PLEKHA2: variants seen among roughly 807,000 people sequenced by gnomAD.
PLEKHA2 encodes pleckstrin homology domain-containing family A member 2.
In PLEKHA2, 28 loss-of-function variants were observed where a neutral mutation model predicts 53.2. The ratio of observed to expected loss-of-function variants is 0.53; its 90% confidence interval spans 0.39 to 0.72. The LOEUF (loss-of-function observed/expected upper bound fraction) is 0.72. Ranked by LOEUF, PLEKHA2 falls within the 30% of genes least tolerant of loss-of-function variation. PLEKHA2 has a pLI of 0.00. For synonymous variants in PLEKHA2, 193 were observed against 196.4 expected, an observed-to-expected ratio of 0.98 and a Z score of 0.14; for missense variants, 426 against 537.9, an observed-to-expected ratio of 0.79 and a Z score of 2.06.
rs115234800 is a variant in PLEKHA2, at chr8:38,924,332, G to A, written c.141+6262G>A. Among the ~76,000 whole-genome samples, 755 of 152,282 alleles carry A rather than the reference G, an allele frequency of 5.0e-3. 7 individuals are homozygous for A. Among genetic ancestry groups the A allele is most frequent in the African/African-American group, 0.017 (727 of 41,558 alleles). Reference sequence around the variant, plus strand: ...TCCCCAGAAGAAGACCCTGAGACGAGGAGTCAGGCGCTGAGACAGGGAGTC... The same window carrying A: ...TCCCCAGAAGAAGACCCTGAGACGAAGAGTCAGGCGCTGAGACAGGGAGTC... On this transcript the variant is annotated intron_variant, in intron 2 of 11. Transcript: ENST00000617275.
Position 38,969,733 on chromosome 8 carries a change from C to T in PLEKHA2, c.1228C>T (p.Pro410Ser). 1 of 1,552,864 alleles carries T rather than the reference C, an allele frequency of 6.4e-7. No individual in the cohort carries two copies. Among genetic ancestry groups the T allele is most frequent in the Non-Finnish European group, 8.7e-7 (1 of 1,148,090 alleles). The change falls in exon 12 of 12, where the codon CCG (proline) becomes TCG (serine). Residue 410 changes from proline to serine, a missense_variant. Pro to Ser is a moderately conservative substitution (Grantham distance 74). Coordinates refer to ENST00000617275, the MANE Select transcript of PLEKHA2 (RefSeq NM_021623.2). ...GGAGCCCCAGCACCCCAAGGAGAAGCCGTTTATGTTCAACCTTGATGATGA... is the reference window on the plus strand; with the variant it reads ...GGAGCCCCAGCACCCCAAGGAGAAGTCGTTTATGTTCAACCTTGATGATGA... ...RSEPQHPKEK[P>S]FMFNLDDENI...
At chr8:38,918,162 G>T (rs1300987882) in intron 2 of PLEKHA2, 92 bp downstream of exon 2, 1 of 1,464,170 alleles carries the variant, frequency 6.8e-7, no homozygotes. Context: ...GCCTAGGCTC[G>T]TGAGCAACAC....
At chr8:38,953,510 C>T in intron 9 of PLEKHA2, 143 bp downstream of exon 9, 1 of 839,664 alleles carries the variant, frequency 1.2e-6, no homozygotes, top group East Asian at 2.5e-5. Flanking sequence ...GTGGCTGACT[C>T]ACTGCATCCA....
At chr8:38,901,717 A>C (rs991037929) in intron 1 of PLEKHA2, 196 of 105,728 alleles carry the variant, frequency 1.9e-3, no homozygotes, top group Admixed American at 2.5e-3. Context: ...CGCCGCCGCC[A>C]GGGGTCGGGC....
At chr8:38,936,112 G>A (rs1834490557) in intron 3 of PLEKHA2, 62 bp downstream of exon 3, 2 of 1,544,846 alleles carry the variant, frequency 1.3e-6, no homozygotes, top group Non-Finnish European at 1.8e-6. Flanking sequence ...TTCTAAGCAA[G>A]GGGAAGTGTC....
rs774048628 is a variant in PLEKHA2 at position 38,946,260 on chromosome 8, G to T, written c.345+39G>T. 7.8e-6 allele frequency: 12 copies of T among 1,529,172 alleles called. No individual in the cohort carries two copies. The East Asian group carries it at 1.9e-4, about 24-fold the overall frequency. 94.7% of individuals were successfully genotyped at this position (1,529,172 alleles called of 1,614,324 possible). ...CTTCTGTTTTCTGGTGGTAGTAAAA[G>T]TGCCTCTTCCCAGGCTATGGCCTTG... is the stretch of plus-strand genomic sequence containing the variant. On this transcript the variant is annotated intron_variant, in intron 5 of 11. Coordinates refer to ENST00000617275, the MANE Select transcript of PLEKHA2 (RefSeq NM_021623.2).
rs1564144096 is a variant in PLEKHA2 at position 38,950,861 on chromosome 8, T to C, written c.357T>C (p.Gly119=). 6.2e-7 allele frequency: 1 copy of C among 1,613,508 alleles called. No individual in the cohort carries two copies. The highest frequency in any genetic ancestry group is 1.7e-5 in the Admixed American group (1 of 59,954). The change falls in exon 6 of 12, where the codon GGT becomes GGC. Residue 119 remains glycine, a synonymous_variant. Transcript: ENST00000617275. ...NQASKITVPK[G]GGLPMTTEVL... Reference sequence around the variant, plus strand: ...GCCGCTCACCCCAGGTTCCCAAAGGTGGGGGCCTACCCATGACCACTGAAG... The same window carrying C: ...GCCGCTCACCCCAGGTTCCCAAAGGCGGGGGCCTACCCATGACCACTGAAG...
intron 1 of PLEKHA2, chr8:38,901,887 C>T (rs1280544743): frequency 1.3e-5 from 2 of 152,254 alleles, no homozygotes; most frequent in African/African-American, 2.4e-5. Flanking sequence ...CAGAGAACGT[C>T]CCCAGGCAAG....
intron 9 of PLEKHA2, among the ~76,000 whole-genome samples, chr8:38,954,762 T>A (rs1834907436): frequency 6.6e-6 from 1 of 152,108 alleles, no homozygotes; most frequent in Non-Finnish European, 1.5e-5. Context: ...GCGTGGTGGC[T>A]CACACCTGTA....
chr8:38,903,102 T>G (rs1357131959), intron 1 of PLEKHA2, among the ~76,000 whole-genome samples: 1 of 152,264 alleles, frequency 6.6e-6, no homozygotes, highest in Non-Finnish European at 1.5e-5. Context: ...CTTGTCCAAA[T>G]GGCAGAGAAA....
chr8:38,950,450 T>C (rs1834809985), intron 5 of PLEKHA2: 1 of 162,130 alleles, frequency 6.2e-6, no homozygotes, highest in East Asian at 1.8e-4. Flanking sequence ...GCCTCAGCTC[T>C]CTTGATCTTC....
intron 1 of PLEKHA2, among the ~76,000 whole-genome samples, chr8:38,903,434 G>A (rs1207896789): frequency 6.6e-6 from 1 of 152,102 alleles, no homozygotes; most frequent in East Asian, 1.9e-4. Context: ...AAGGAAATAG[G>A]GCCTGCAGAT....
At chr8:38,913,877 TCAAACTTGCTC>T (rs1833991916) in intron 1 of PLEKHA2, among the ~76,000 whole-genome samples, 1 of 152,176 alleles carries the variant, frequency 6.6e-6, no homozygotes, top group Non-Finnish European at 1.5e-5. Flanking sequence ...GTTTCTGAAC[TCAAACTTGCTC>T]CATTGTGAAA....
intron 3 of PLEKHA2, among the ~76,000 whole-genome samples, chr8:38,940,610 A>T (rs1834588852): frequency 8.2e-6 from 1 of 122,122 alleles, no homozygotes; most frequent in African/African-American, 3.2e-5. Context: ...CTCAGGTGTA[A>T]GCAGGACAGA....
At chr8:38,940,578 A>G (rs1273887087) in intron 3 of PLEKHA2, among the ~76,000 whole-genome samples, 2 of 144,134 alleles carry the variant, frequency 1.4e-5, no homozygotes, top group East Asian at 4.2e-4. Flanking sequence ...AAGCAAGAAA[A>G]TGAGTGACTG....
At position 38,969,539 on chromosome 8, in the gene PLEKHA2, G is replaced by A. The variant is rs746593372; in HGVS notation, c.1034G>A (p.Cys345Tyr). The change falls in exon 12 of 12, where the codon TGC (cysteine) becomes TAC (tyrosine). Residue 345 changes from cysteine to tyrosine, a missense_variant. Cys to Tyr is a radical substitution (Grantham distance 194, BLOSUM62 -2). Transcript: ENST00000617275. ...RPPLEEKKAL[C>Y]KAPSVASSWQ... ...CCTTTGGAGGAAAAGAAAGCCCTCTGCAAAGCCCCCTCTGTGGCCTCCTCC... is the reference window on the plus strand; with the variant it reads ...CCTTTGGAGGAAAAGAAAGCCCTCTACAAAGCCCCCTCTGTGGCCTCCTCC... The A allele has an allele frequency of 1.2e-6, 2 of 1,612,866 alleles. No homozygotes were observed. Among genetic ancestry groups the A allele is most frequent in the Non-Finnish European group, 1.7e-6 (2 of 1,179,370 alleles).
intron 1 of PLEKHA2, among the ~76,000 whole-genome samples, chr8:38,907,999 G>C (rs1009892695): frequency 6.6e-6 from 1 of 151,976 alleles, no homozygotes; most frequent in African/African-American, 2.4e-5. Flanking sequence ...GTGACTATAG[G>C]TGCACACCAC....
At chr8:38,940,631 G>A (rs12681952) in intron 3 of PLEKHA2, among the ~76,000 whole-genome samples, 15,940 of 123,574 alleles carry the variant, frequency 0.13, 1,141 homozygotes, top group East Asian at 0.23. Context: ...AGTCTATGCC[G>A]TGGTCCAGAT....
chr8:38,902,045 T>A (rs1370026972), intron 1 of PLEKHA2: 2 of 152,232 alleles, frequency 1.3e-5, no homozygotes, highest in Non-Finnish European at 2.9e-5. Context: ...CTCCAGACAG[T>A]GAAAAGGACT....
Sources: allele counts gnomAD v4.1 joint callset (sites outside exome capture counted in the v4.1 genomes callset), GRCh38; gene constraint gnomAD v4.1.1; transcripts MANE v1.5; gene names NCBI Gene and HGNC (gene_info 2026-07-23, HGNC 2026-07-21).